CNGB1: variants seen among roughly 807,000 people sequenced by gnomAD.
CNGB1 encodes the protein cyclic nucleotide gated channel subunit beta 1, also known as cyclic nucleotide-gated channel beta-1.
Under a neutral mutation model 151.7 loss-of-function variants are expected in CNGB1, and 126 were observed. The observed-to-expected ratio is 0.83, with a 90% CI of 0.72 to 0.96. The LOEUF is 0.96. CNGB1 is among the 40% of genes least tolerant of loss of function. The pLI is 0.00. For synonymous variants in CNGB1, 623 were observed against 635.1 expected (o/e 0.98, Z 0.29); for missense variants, 1,698 against 1,627.0 (o/e 1.04, Z -0.75).
intron 12 of CNGB1, among the ~76,000 whole-genome samples, chr16:57,953,263 G>A (rs545527889): frequency 7.2e-5 from 11 of 152,226 alleles, no homozygotes; most frequent in South Asian, 2.1e-4. Context: ...TTGGGAGGCC[G>A]AGGTCGGCAG....
chr16:57,957,891 A>G (rs1264370555), intron 11 of CNGB1, among the ~76,000 whole-genome samples: 4 of 152,114 alleles, frequency 2.6e-5, no homozygotes, highest in Non-Finnish European at 5.9e-5. Context: ...TCCCAGTTCC[A>G]GGTGCTTCTA....
At chr16:57,962,722 G>T (rs372178911) in intron 6 of CNGB1, 112 bp from the exon 7 acceptor site, 47 of 1,566,914 alleles carry the variant, frequency 3.0e-5, no homozygotes, top group East Asian at 2.0e-4. Flanking sequence ...GTTCAAAGCA[G>T]GGTCAGTCAG....
rs771563252 is a variant in CNGB1 at position 57,962,896 on chromosome 16, A to G, written c.382-24T>C. 5 of 1,612,400 alleles carry G rather than the reference A, an allele frequency of 3.1e-6. No homozygotes were observed. In the South Asian group the frequency reaches 5.5e-5, roughly 18 times the overall value. On this transcript the variant is annotated intron_variant, in intron 5 of 32. Transcript: ENST00000251102. The stretch of plus-strand genomic sequence containing the variant: ...ATCTGCCAGGGACAGACAGACAGAC[A>G]TGGGCAGGGAGCCCAAGGGCAGCCT...
At chr16:57,888,170 G>A (rs1375586438) in intron 31 of CNGB1, 96 bp from the exon 32 acceptor site, 1 of 1,335,880 alleles carries the variant, frequency 7.5e-7, no homozygotes, top group East Asian at 2.4e-5. Flanking sequence ...GCTGTGTAGT[G>A]GTGGTGATTT....
intron 14 of CNGB1, 112 bp from the exon 15 acceptor site, chr16:57,940,433 G>T: frequency 9.7e-7 from 1 of 1,031,234 alleles, no homozygotes; most frequent in South Asian, 1.4e-5. Flanking sequence ...GTACAGAGAT[G>T]CCCAAGAACC....
At position 57,913,043 on chromosome 16, in the gene CNGB1, T is replaced by G. The variant is rs539730200; in HGVS notation, c.2305-49A>C. ...AGCAGCCCACCGGCCATAGGTAGCA[T>G]GCTGCTCCCACGCCCACGGGCGCCG... On this transcript the variant is annotated intron_variant, in intron 23 of 32. Transcript: ENST00000251102. 3.8e-6 allele frequency: 6 copies of G among 1,590,692 alleles called. No homozygotes were observed. In the South Asian group the frequency reaches 6.6e-5, roughly 18 times the overall value.
At chr16:57,955,443 G>C (rs904798959) in intron 12 of CNGB1, 3 of 1,246,312 alleles carry the variant, frequency 2.4e-6, no homozygotes, top group Non-Finnish European at 3.4e-6. Flanking sequence ...TGAGTGAGTG[G>C]ATGAGTGAAT....
At chr16:57,920,675 CCTT>C (rs1961008161) in intron 18 of CNGB1, 131 bp from the exon 19 acceptor site, 1 of 1,061,338 alleles carries the variant, frequency 9.4e-7, no homozygotes, top group Non-Finnish European at 1.4e-6. Flanking sequence ...GCCCCCATCT[CCTT>C]CTGACATCAG....
intron 20 of CNGB1, 82 bp downstream of exon 20, chr16:57,919,017 C>G: frequency 1.2e-6 from 2 of 1,601,900 alleles, no homozygotes; most frequent in South Asian, 1.1e-5. Context: ...CCTCTTGAAT[C>G]CCCTGACCCT....
intron 31 of CNGB1, among the ~76,000 whole-genome samples, chr16:57,890,418 G>C (rs569840277): frequency 2.0e-5 from 3 of 152,328 alleles, no homozygotes; most frequent in Non-Finnish European, 2.9e-5. Context: ...CCCACAGGAA[G>C]GCTGAGGGTG....
chr16:57,960,587 C>T, intron 8 of CNGB1, 57 bp from the exon 9 acceptor site: 6 of 1,583,968 alleles, frequency 3.8e-6, no homozygotes, highest in Non-Finnish European at 5.2e-6. Context: ...TGCGCTTCCC[C>T]AACCGCCACT....
At position 57,947,606 on chromosome 16, in the gene CNGB1, C is replaced by T. The variant is rs1351058803; in HGVS notation, c.1121+1747G>A. On this transcript the variant is annotated intron_variant, in intron 14 of 32. Coordinates refer to ENST00000251102, the MANE Select transcript of CNGB1 (RefSeq NM_001297.5). ...AGCCTTTGAGAGGTTGTGAGCTCCCCGTCATTGGAGGTAAGCAAGTAGAGG... is the reference window on the plus strand; with the variant it reads ...AGCCTTTGAGAGGTTGTGAGCTCCCTGTCATTGGAGGTAAGCAAGTAGAGG... Among the ~76,000 whole-genome samples, 4 of 152,130 alleles carry T rather than the reference C, an allele frequency of 2.6e-5. 1 individual carries two copies. Among genetic ancestry groups the T allele is most frequent in the South Asian group, 4.1e-4 (2 of 4,828 alleles).
At chr16:57,906,784 C>A (rs1226120282) in intron 25 of CNGB1, among the ~76,000 whole-genome samples, 1 of 152,194 alleles carries the variant, frequency 6.6e-6, no homozygotes, top group Non-Finnish European at 1.5e-5. Context: ...TACCCCAAAC[C>A]CTTCCTAGCT....
In CNGB1 at chr16:57,888,649, G is replaced by A. The variant is rs538953517; in HGVS notation, c.3243-575C>T. On this transcript the variant is annotated intron_variant, in intron 31 of 32. Transcript: ENST00000251102. Reference sequence around the variant, plus strand: ...TATCTTTTTGTAGAGACAGGGTTTCGCCATGTTGCCCAGGCTGGTCTCAAA... The same window carrying A: ...TATCTTTTTGTAGAGACAGGGTTTCACCATGTTGCCCAGGCTGGTCTCAAA... 1.6e-4 allele frequency among the ~76,000 whole-genome samples: 25 copies of A among 152,208 alleles called. 1 individual carries two copies. The highest frequency in any genetic ancestry group is 8.3e-4 in the South Asian group (4 of 4,826).
Position 57,958,467 on chromosome 16 carries a change from C to A in CNGB1, c.780G>T (p.Leu260=), listed in dbSNP as rs1201791425. ...RDPARLVAWV[L]HRLEMALPQP... ...GCGGCAAGGCCATCTCCAGCCTGTG[C>A]AGGACCCATGCCACCAGCCTGCAGG... Residue 260 remains leucine, a synonymous_variant, in exon 11 of 33, where the codon CTG becomes CTT. Coordinates refer to ENST00000251102, the MANE Select transcript of CNGB1 (RefSeq NM_001297.5). 4.3e-6 allele frequency: 7 copies of A among 1,613,998 alleles called. No individual in the cohort carries two copies. The Admixed American group carries it at 6.7e-5, about 15-fold the overall frequency.
At chr16:57,897,253 G>A in intron 31 of CNGB1, 144 bp downstream of exon 31, 1 of 847,484 alleles carries the variant, frequency 1.2e-6, no homozygotes, top group Non-Finnish European at 1.8e-6. Flanking sequence ...AGTGAGTCAT[G>A]ATCACTCCAC....
At chr16:57,891,207 G>A (rs1443118748) in intron 31 of CNGB1, among the ~76,000 whole-genome samples, 3 of 152,328 alleles carry the variant, frequency 2.0e-5, no homozygotes, top group African/African-American at 7.2e-5. Flanking sequence ...TCAGTCATAA[G>A]CAGTTGAATC....
intron 14 of CNGB1, among the ~76,000 whole-genome samples, chr16:57,947,682 G>A (rs1301234426): frequency 1.3e-5 from 2 of 152,200 alleles, no homozygotes; most frequent in Non-Finnish European, 2.9e-5. Flanking sequence ...ACTGAGTAAG[G>A]ATGGACTAAA....
rs1174421794 is a variant in CNGB1 at position 57,949,346 on chromosome 16, G to T, written c.1121+7C>A. On this transcript the variant is annotated splice_region_variant and intron_variant, in intron 14 of 32. Transcript: ENST00000251102. ...GCCGTTCCCAGACAGGTGAGCAAAT[G>T]ACTTACTCAGTCACCTCCTCCTCTT... 1 of 1,609,042 alleles carries T rather than the reference G, an allele frequency of 6.2e-7. No individual in the cohort carries two copies. Among genetic ancestry groups the T allele is most frequent in the Admixed American group, 1.7e-5 (1 of 60,016 alleles).
Sources: gnomAD v4.1 joint callset for allele counts (sites outside exome capture counted in the v4.1 genomes callset) on GRCh38, gnomAD v4.1.1 for gene constraint, MANE v1.5 for transcripts, NCBI Gene and HGNC (gene_info 2026-07-23, HGNC 2026-07-21) for gene names.